TRAPPC9: variants seen among roughly 807,000 people sequenced by gnomAD.
TRAPPC9 encodes the protein IKK2 binding protein.
TRAPPC9 carries 83 observed loss-of-function variants against 124.0 expected under a neutral mutation model. The observed-to-expected ratio is 0.67, with a 90% CI of 0.56 to 0.80. TRAPPC9 has a LOEUF of 0.80. Among genes scored for constraint, TRAPPC9 ranks in the 30% least tolerant of loss-of-function variants. TRAPPC9 has a pLI of 0.00. For synonymous variants in TRAPPC9, 638 were observed against 617.5 expected (o/e 1.03, Z -0.49); for missense variants, 1,302 against 1,508.3 (o/e 0.86, Z 2.27).
At chr8:140,317,473 C>A (rs1475016148) in intron 9 of TRAPPC9, among the ~76,000 whole-genome samples, 1 of 152,180 alleles carries the variant, frequency 6.6e-6, no homozygotes, top group Non-Finnish European at 1.5e-5. Context: ...CTCCAAGGAG[C>A]TCTCATTCCC....
At chr8:140,430,140 C>T (rs1162338885) in intron 4 of TRAPPC9, among the ~76,000 whole-genome samples, 1 of 149,700 alleles carries the variant, frequency 6.7e-6, no homozygotes, top group Admixed American at 6.6e-5. Context: ...GAGTGAGACT[C>T]CATCCCAAAA....
At chr8:140,116,857 GTA>G (rs1372371235) in intron 17 of TRAPPC9, among the ~76,000 whole-genome samples, 160 of 132,492 alleles carry the variant, frequency 1.2e-3, no homozygotes, top group African/African-American at 3.5e-3. Flanking sequence ...AGTTCAGTAA[GTA>G]GGCGGAGTTC....
intron 17 of TRAPPC9, among the ~76,000 whole-genome samples, chr8:140,158,724 C>T (rs1378368726): frequency 3.9e-5 from 6 of 152,168 alleles, no homozygotes; most frequent in Non-Finnish European, 5.9e-5. Flanking sequence ...ATCTGTGCTC[C>T]GGAGCCACCC....
Position 139,728,938 on chromosome 8 carries a change from C to T in TRAPPC9, c.*2123G>A, listed in dbSNP as rs1047832758. Among the ~76,000 whole-genome samples, 1 of 152,208 alleles carries T rather than the reference C, an allele frequency of 6.6e-6. No individual in the cohort carries two copies. The highest frequency in any genetic ancestry group is 2.4e-5 in the African/African-American group (1 of 41,446). On this transcript the variant is annotated 3_prime_UTR_variant, in exon 23 of 23. Coordinates refer to ENST00000438773, the MANE Select transcript of TRAPPC9 (RefSeq NM_001160372.4). ...ATTACAGTCACCAATATGCTTGCCA[C>T]TCAGAATCAAACACTGCCAGAGTTT...
At chr8:139,752,617 T>A (rs530932699) in intron 21 of TRAPPC9, among the ~76,000 whole-genome samples, 2 of 149,248 alleles carry the variant, frequency 1.3e-5, no homozygotes, top group African/African-American at 5.0e-5. Context: ...CCATCTACTG[T>A]CCATCTACCA....
chr8:139,971,475 C>T (rs1389000307), intron 19 of TRAPPC9, among the ~76,000 whole-genome samples: 3 of 152,160 alleles, frequency 2.0e-5, no homozygotes, highest in Non-Finnish European at 4.4e-5. Flanking sequence ...CACCAGAAAG[C>T]TGTCCCCAAC....
At chr8:140,066,674 G>A (rs1842909577) in intron 17 of TRAPPC9, among the ~76,000 whole-genome samples, 1 of 152,228 alleles carries the variant, frequency 6.6e-6, no homozygotes, top group African/African-American at 2.4e-5. Flanking sequence ...TCAACCAGCA[G>A]GGAGGTACTT....
intron 18 of TRAPPC9, among the ~76,000 whole-genome samples, chr8:140,000,982 C>T (rs576571811): frequency 6.6e-6 from 1 of 152,202 alleles, no homozygotes; most frequent in East Asian, 1.9e-4. Context: ...GAAATCAACC[C>T]AAATGTCCAT....
chr8:140,230,465 A>C (rs1296047146), intron 16 of TRAPPC9, among the ~76,000 whole-genome samples: 1 of 152,142 alleles, frequency 6.6e-6, no homozygotes, highest in African/African-American at 2.4e-5. Flanking sequence ...AAAAAAAATT[A>C]GCTGGGCATG....
intron 16 of TRAPPC9, among the ~76,000 whole-genome samples, chr8:140,231,030 T>C (rs944509234): frequency 1.3e-5 from 2 of 152,132 alleles, no homozygotes; most frequent in Admixed American, 1.3e-4. Flanking sequence ...TACTAGACCA[T>C]AGAGTGCTAG....
chr8:139,862,260 C>G (rs1828218094), intron 21 of TRAPPC9, among the ~76,000 whole-genome samples: 2 of 152,276 alleles, frequency 1.3e-5, no homozygotes, highest in African/African-American at 2.4e-5. Flanking sequence ...TGTGTTTGCC[C>G]TGCCCCACCA....
chr8:140,334,701 T>C (rs1363943364), intron 9 of TRAPPC9, among the ~76,000 whole-genome samples: 2 of 151,894 alleles, frequency 1.3e-5, no homozygotes, highest in Non-Finnish European at 2.9e-5. Context: ...TCCACATGTA[T>C]TGACTACTTT....
intron 21 of TRAPPC9, among the ~76,000 whole-genome samples, chr8:139,853,007 C>G (rs1827583952): frequency 6.6e-6 from 1 of 152,184 alleles, no homozygotes; most frequent in Non-Finnish European, 1.5e-5. Context: ...GTTCGTCATT[C>G]GCAAAGGTTC....
intron 17 of TRAPPC9, among the ~76,000 whole-genome samples, chr8:140,070,198 T>G (rs1843088249): frequency 6.6e-6 from 1 of 152,254 alleles, no homozygotes; most frequent in Non-Finnish European, 1.5e-5. Context: ...TCGTATTTGC[T>G]AATACAAATA....
At chr8:139,923,765 C>T (rs1453500232) in intron 19 of TRAPPC9, among the ~76,000 whole-genome samples, 1 of 152,156 alleles carries the variant, frequency 6.6e-6, no homozygotes, top group Non-Finnish European at 1.5e-5. Flanking sequence ...TAAGAGGCAC[C>T]CAAAAGCCTC....
chr8:139,831,632 G>A (rs1304134710), intron 21 of TRAPPC9, among the ~76,000 whole-genome samples: 5 of 152,050 alleles, frequency 3.3e-5, no homozygotes, highest in Admixed American at 2.0e-4. Context: ...CACCCCCACC[G>A]CCGCAGCCTG....
intron 19 of TRAPPC9, among the ~76,000 whole-genome samples, chr8:139,967,285 T>C (rs1835766013): frequency 6.6e-6 from 1 of 152,178 alleles, no homozygotes; most frequent in South Asian, 2.1e-4. Flanking sequence ...GGTCACTGAA[T>C]GAAAGCAGAC....
chr8:140,324,352 A>G (rs977023244), intron 9 of TRAPPC9, among the ~76,000 whole-genome samples: 2 of 152,258 alleles, frequency 1.3e-5, no homozygotes, highest in Admixed American at 1.3e-4. Flanking sequence ...AAGGAGATAC[A>G]ATACTAAATT....
chr8:139,804,551 C>T (rs1481958161), intron 21 of TRAPPC9, among the ~76,000 whole-genome samples: 12 of 136,338 alleles, frequency 8.8e-5, no homozygotes, highest in South Asian at 2.6e-4. Context: ...CACCCACCAC[C>T]GCCACCAAGC....
Sources: gnomAD v4.1 joint callset for allele counts (sites outside exome capture counted in the v4.1 genomes callset) on GRCh38, gnomAD v4.1.1 for gene constraint, MANE v1.5 for transcripts, NCBI Gene and HGNC (gene_info 2026-07-23, HGNC 2026-07-21) for gene names.